Variants in RBMS1 observed in about 807,000 individuals in gnomAD.
RBMS1 encodes the protein RNA binding motif single stranded interacting protein 1, also known as RNA-binding motif, single-stranded-interacting protein 1.
A neutral mutation model predicts 62.3 loss-of-function variants in RBMS1; 17 were observed. The observed-to-expected ratio is 0.27, with a 90% confidence interval of 0.19 to 0.41. RBMS1 has a LOEUF of 0.41. RBMS1 is among the 10% of genes least tolerant of loss of function. The pLI, the probability that RBMS1 is intolerant of heterozygous loss-of-function variation, is 1.00. For missense variants in RBMS1, 334 were observed against 504.5 expected (o/e 0.66, Z 3.24); for synonymous variants, 172 against 170.0 (o/e 1.01, Z -0.09).
chr2:160,484,211 C>T (rs992016223), intron 1 of RBMS1, among the ~76,000 whole-genome samples: 3 of 152,028 alleles, frequency 2.0e-5, no homozygotes, highest in African/African-American at 7.2e-5. Flanking sequence ...AAATGTACGC[C>T]ATAGGCCGGC....
intron 1 of RBMS1, among the ~76,000 whole-genome samples, chr2:160,465,310 A>C (rs1310990764): frequency 6.6e-6 from 1 of 152,236 alleles, no homozygotes; most frequent in African/African-American, 2.4e-5. Flanking sequence ...GTAGCCACCA[A>C]TAGTCTTTGC....
chr2:160,290,275 G>A (rs73969142), intron 6 of RBMS1, among the ~76,000 whole-genome samples: 20 of 151,160 alleles, frequency 1.3e-4, no homozygotes, highest in Non-Finnish European at 1.8e-4. Flanking sequence ...GAGAGATACC[G>A]GAAGACTGAC....
intron 7 of RBMS1, among the ~76,000 whole-genome samples, chr2:160,286,638 GA>G (rs929910708): frequency 1.2e-4 from 19 of 152,040 alleles, no homozygotes; most frequent in African/African-American, 4.6e-4. Context: ...CCCTGTTTCT[GA>G]AAAAAACCAA....
At chr2:160,323,169 A>ATTT (rs200830921) in intron 2 of RBMS1, among the ~76,000 whole-genome samples, 26 of 147,840 alleles carry the variant, frequency 1.8e-4, no homozygotes, top group African/African-American at 6.0e-4. Flanking sequence ...CTGTAGCTTA[A>ATTT]TTTTTTTTTT....
At chr2:160,371,703 A>G (rs1401215160) in intron 1 of RBMS1, among the ~76,000 whole-genome samples, 1 of 152,082 alleles carries the variant, frequency 6.6e-6, no homozygotes, top group African/African-American at 2.4e-5. Context: ...GTTCATCAGC[A>G]CTCAGAGAGA....
chr2:160,358,622 A>T (rs1267455670), intron 2 of RBMS1, among the ~76,000 whole-genome samples: 3 of 152,190 alleles, frequency 2.0e-5, no homozygotes, highest in Non-Finnish European at 4.4e-5. Flanking sequence ...ATGATTTATA[A>T]AACAAAATTT....
intron 1 of RBMS1, among the ~76,000 whole-genome samples, chr2:160,368,802 G>C (rs1329159977): frequency 6.6e-6 from 1 of 152,010 alleles, no homozygotes; most frequent in East Asian, 1.9e-4. Context: ...ACCATGCCTG[G>C]CTAATTTTTG....
At chr2:160,330,498 T>C (rs1691202748) in intron 2 of RBMS1, among the ~76,000 whole-genome samples, 1 of 152,194 alleles carries the variant, frequency 6.6e-6, no homozygotes, top group Non-Finnish European at 1.5e-5. Context: ...AATGAATACT[T>C]AGCCAAAGTC....
intron 1 of RBMS1, among the ~76,000 whole-genome samples, chr2:160,409,807 T>C (rs1469799316): frequency 1.3e-5 from 2 of 152,216 alleles, no homozygotes; most frequent in Admixed American, 6.5e-5. Flanking sequence ...TAAAATTTGA[T>C]TGGATACACT....
At chr2:160,428,355 G>C (rs1484587784) in intron 1 of RBMS1, among the ~76,000 whole-genome samples, 1 of 152,162 alleles carries the variant, frequency 6.6e-6, no homozygotes, top group African/African-American at 2.4e-5. Context: ...GAACTAAAAA[G>C]AGGTATTGGA....
chr2:160,417,358 G>A (rs1203194454), intron 1 of RBMS1, among the ~76,000 whole-genome samples: 5 of 152,160 alleles, frequency 3.3e-5, no homozygotes, highest in Non-Finnish European at 7.4e-5. Context: ...CTGTAAATAA[G>A]TGTTGCATTT....
At chr2:160,489,845 T>A (rs1015869840) in intron 1 of RBMS1, among the ~76,000 whole-genome samples, 13 of 152,262 alleles carry the variant, frequency 8.5e-5, no homozygotes, top group African/African-American at 3.1e-4. Context: ...AGATTACAAC[T>A]GTCCCAAATT....
intron 1 of RBMS1, among the ~76,000 whole-genome samples, chr2:160,425,726 G>A (rs552106441): frequency 6.6e-6 from 1 of 152,300 alleles, no homozygotes; most frequent in Admixed American, 6.5e-5. Context: ...CAAAACTCCT[G>A]CTCTTGATTT....
intron 1 of RBMS1, among the ~76,000 whole-genome samples, chr2:160,410,122 T>C (rs1474301953): frequency 1.4e-5 from 2 of 143,432 alleles, no homozygotes; most frequent in African/African-American, 5.2e-5. Flanking sequence ...CTCAGGAGGC[T>C]GAGGCAGGAG....
chr2:160,277,383 A>T lies in RBMS1; in HGVS notation c.1063T>A (p.Tyr355Asn), dbSNP rs748809484. The T allele has an allele frequency of 1.1e-5, 17 of 1,610,564 alleles. No homozygotes were observed. Among genetic ancestry groups the T allele is most frequent in the Non-Finnish European group, 1.4e-5 (17 of 1,176,820 alleles). ...TGCATAGCTGACGTTGCAGGCATGT[A>T]CTAGAAAGAAGAATGAGGTCAGAAT... is the stretch of plus-strand genomic sequence containing the variant. The part of the protein sequence containing the change: ...SHLSLGSTGT[Y>N]MPATSAMQGA... Residue 355 changes from tyrosine (Y) to asparagine (N), a missense_variant and splice_region_variant, in exon 12 of 14, where the codon TAC becomes AAC. Coordinates refer to ENST00000348849, the MANE Select transcript of RBMS1 (RefSeq NM_016836.4).
intron 2 of RBMS1, among the ~76,000 whole-genome samples, chr2:160,318,994 C>T (rs1404291226): frequency 6.6e-6 from 1 of 152,018 alleles, no homozygotes; most frequent in Non-Finnish European, 1.5e-5. Context: ...TGTTCAAATT[C>T]CTTTATGTGC....
chr2:160,312,282 C>A (rs1689968055), intron 4 of RBMS1, among the ~76,000 whole-genome samples: 1 of 152,080 alleles, frequency 6.6e-6, no homozygotes, highest in South Asian at 2.1e-4. Context: ...AAGAGAAGGA[C>A]ACAATGACTG....
intron 1 of RBMS1, among the ~76,000 whole-genome samples, chr2:160,415,259 T>G (rs764727775): frequency 5.3e-5 from 8 of 152,202 alleles, no homozygotes; most frequent in Admixed American, 2.6e-4. Flanking sequence ...GATGGAAAGA[T>G]ATTACTAGGT....
intron 1 of RBMS1, among the ~76,000 whole-genome samples, chr2:160,372,115 C>T (rs1326973392): frequency 1.3e-5 from 2 of 152,084 alleles, no homozygotes; most frequent in East Asian, 1.9e-4. Context: ...GTCTCATTTC[C>T]TTCCTATTAC....
Sources: allele counts gnomAD v4.1 joint callset (sites outside exome capture counted in the v4.1 genomes callset), GRCh38; gene constraint gnomAD v4.1.1; transcripts MANE v1.5; gene names NCBI Gene and HGNC (gene_info 2026-07-23, HGNC 2026-07-21).